Variants in LAMB1 observed in about 807,000 individuals in gnomAD.
The protein encoded by LAMB1 is laminin subunit beta 1, also known as laminin subunit beta-1.
A neutral mutation model predicts 222.3 loss-of-function variants in LAMB1; 121 were observed. The ratio of observed to expected loss-of-function variants is 0.54; its 90% CI spans 0.47 to 0.63. The LOEUF (loss-of-function observed/expected upper bound fraction) is 0.63, where lower values mean the gene tolerates loss of function less well. Ranked by LOEUF, LAMB1 falls within the 30% of genes least tolerant of loss-of-function variation. The pLI is 0.00. For missense variants in LAMB1, 2,172 were observed against 2,240.8 expected (o/e 0.97, Z 0.62); for synonymous variants, 794 against 807.2 (o/e 0.98, Z 0.28).
chr7:107,986,268 C>T lies in LAMB1; in HGVS notation c.519G>A (p.Ser173=), dbSNP rs367788470. The change falls in exon 6 of 34, where the codon TCG becomes TCA. Residue 173 remains serine (S), a synonymous_variant. Coordinates refer to ENST00000222399, the MANE Select transcript of LAMB1 (RefSeq NM_002291.3). ...YRYFAYDCEA[S]FPGISTGPMK... ...TGGGGCCAGTTGAAATGCCTGGAAACGAGGCCTCACAGTCATAGGCGAAGT... is the reference window on the plus strand; with the variant it reads ...TGGGGCCAGTTGAAATGCCTGGAAATGAGGCCTCACAGTCATAGGCGAAGT... 19 of 1,613,936 alleles carry T rather than the reference C, an allele frequency of 1.2e-5. No individual in the cohort carries two copies. The highest frequency in any genetic ancestry group is 1.6e-4 in the Middle Eastern group (1 of 6,084).
At chr7:107,956,686 C>T (rs2033384969) in intron 20 of LAMB1, among the ~76,000 whole-genome samples, 1 of 152,188 alleles carries the variant, frequency 6.6e-6, no homozygotes, top group Non-Finnish European at 1.5e-5. Context: ...CCCACGGTGG[C>T]CACAGGTCTA....
chr7:107,964,603 A>T lies in LAMB1; in HGVS notation c.1647T>A (p.Phe549Leu). The T allele has an allele frequency of 6.2e-7, 1 of 1,614,172 alleles. No homozygotes were observed. ...CATAGAGGTAGTGATCCAGGGTGGC[A>T]AAGTAGTAACCAGGTTCCACTTCGT... The part of the protein sequence containing the change: ...QCNEVEPGYY[F>L]ATLDHYLYEA... Residue 549 changes from phenylalanine (F) to leucine (L), a missense_variant, in exon 14 of 34, where the codon TTT becomes TTA. Coordinates refer to ENST00000222399, the MANE Select transcript of LAMB1 (RefSeq NM_002291.3).
chr7:107,967,904 A>T (rs2033666270), intron 13 of LAMB1, among the ~76,000 whole-genome samples: 1 of 152,186 alleles, frequency 6.6e-6, no homozygotes, highest in Non-Finnish European at 1.5e-5. Context: ...GGAGAAGAAG[A>T]TATGATTCAT....
At chr7:107,976,700 T>C (rs2033863235) in intron 9 of LAMB1, among the ~76,000 whole-genome samples, 1 of 152,206 alleles carries the variant, frequency 6.6e-6, no homozygotes, top group South Asian at 2.1e-4. Context: ...CTGGTTGAAG[T>C]GAACCTTGGA....
At chr7:107,954,014 G>C (rs1297143080) in intron 21 of LAMB1, among the ~76,000 whole-genome samples, 1 of 152,132 alleles carries the variant, frequency 6.6e-6, no homozygotes, top group Non-Finnish European at 1.5e-5. Flanking sequence ...TAACAGTGTT[G>C]CAACTGCCCC....
At chr7:107,940,901 T>C (rs10953555) in intron 24 of LAMB1, among the ~76,000 whole-genome samples, 97,265 of 152,130 alleles carry the variant, frequency 0.64, 31,393 homozygotes, top group East Asian at 0.85. Flanking sequence ...TGAGAAGCTC[T>C]TTACGTACCT....
At chr7:107,955,424 C>A in intron 21 of LAMB1, 43 bp downstream of exon 21, 1 of 1,552,414 alleles carries the variant, frequency 6.4e-7, no homozygotes, top group Non-Finnish European at 8.8e-7. Context: ...ATAAAGACAT[C>A]TTTTTCTCTC....
chr7:107,926,643 C>G (rs1398928619), intron 31 of LAMB1, among the ~76,000 whole-genome samples: 1 of 152,064 alleles, frequency 6.6e-6, no homozygotes, highest in African/African-American at 2.4e-5. Context: ...ACCCCACCTC[C>G]CCAAGGAGCA....
chr7:107,975,679 C>G lies in LAMB1; in HGVS notation c.1189+10G>C, dbSNP rs1454761999. 4.4e-6 allele frequency: 7 copies of G among 1,604,584 alleles called. No homozygotes were observed. The highest frequency in any genetic ancestry group is 1.1e-5 in the South Asian group (1 of 90,092). On this transcript the variant is annotated intron_variant, in intron 10 of 33. Transcript: ENST00000222399. ...AGGTCCCACACAGTGAGTGACATTT[C>G]TCAACATACGTTCACAGAAATTAGG...
chr7:107,994,747 A>ATT, intron 5 of LAMB1, 140 bp downstream of exon 5: 1 of 539,726 alleles, frequency 1.9e-6, no homozygotes, highest in Non-Finnish European at 3.3e-6. Flanking sequence ...CGTTTTAAAA[A>ATT]CTGCTCAATT....
At chr7:107,940,566 A>G (rs1024346533) in intron 24 of LAMB1, 2 of 574,536 alleles carry the variant, frequency 3.5e-6, no homozygotes, top group Admixed American at 6.0e-5. Flanking sequence ...AGCAGTAATA[A>G]TACTTTAAAC....
At chr7:107,994,079 G>A (rs1181642978) in intron 5 of LAMB1, among the ~76,000 whole-genome samples, 1 of 152,138 alleles carries the variant, frequency 6.6e-6, no homozygotes, top group Non-Finnish European at 1.5e-5. Flanking sequence ...TGTAGATAAG[G>A]TTCCCAACTC....
At position 107,994,935 on chromosome 7, in the gene LAMB1, C is replaced by A. The variant is rs1211046751; in HGVS notation, c.375G>T (p.Leu125=). ...TAAAATGGAATTCTGCTTCCAAATC[C>A]AGTTGGATAGTTACATTTTCCACAC... The part of the protein sequence containing the change: ...ENGVENVTIQ[L]DLEAEFHFTH... Residue 125 remains leucine, a synonymous_variant, in exon 5 of 34, where the codon CTG becomes CTT. Coordinates refer to ENST00000222399, the MANE Select transcript of LAMB1 (RefSeq NM_002291.3). The A allele has an allele frequency of 1.9e-6, 3 of 1,599,768 alleles. No individual in the cohort carries two copies. The African/African-American group carries it at 4.0e-5, about 21-fold the overall frequency.
intron 27 of LAMB1, among the ~76,000 whole-genome samples, chr7:107,934,489 G>C (rs1190934321): frequency 6.6e-6 from 1 of 152,072 alleles, no homozygotes; most frequent in Admixed American, 6.6e-5. Context: ...GCTCAGTTAG[G>C]CTTTTTTGGG....
chr7:107,957,161 G>A (rs757534331), intron 20 of LAMB1, among the ~76,000 whole-genome samples: 11 of 152,074 alleles, frequency 7.2e-5, no homozygotes, highest in South Asian at 4.2e-4. Context: ...AGGCTGCAGC[G>A]GGTGGATCAC....
At chr7:107,978,240 G>T in intron 8 of LAMB1, 73 bp from the exon 9 acceptor site, 3 of 1,539,570 alleles carry the variant, frequency 1.9e-6, no homozygotes, top group Non-Finnish European at 1.8e-6. Flanking sequence ...ATAATCAATT[G>T]AAAGTTTAAA....
At chr7:108,002,281 T>C (rs2034406058) in intron 2 of LAMB1, 1 of 1,310,212 alleles carries the variant, frequency 7.6e-7, no homozygotes. Flanking sequence ...GGGCTCGCGG[T>C]GGACGCCGCT....
intron 5 of LAMB1, among the ~76,000 whole-genome samples, chr7:107,993,210 T>G (rs1245678856): frequency 6.6e-6 from 1 of 152,220 alleles, no homozygotes; most frequent in Non-Finnish European, 1.5e-5. Context: ...CTCGGCTCAC[T>G]GCAACCTTCG....
rs774040892 is a variant in LAMB1, at chr7:107,961,648, A to T, written c.1886T>A (p.Ile629Asn). Residue 629 changes from isoleucine to asparagine, a missense_variant, in exon 16 of 34, where the codon ATC (isoleucine) becomes AAC (asparagine). Transcript: ENST00000222399. ...QLPDHWEKAV[I>N]TVQRPGRIPT... is the part of the protein sequence containing the mutation. Reference sequence around the variant, plus strand: ...AATCCTTCCAGGTCGCTGCACTGTGATGACAGCTTTTTCCCAGTGGTCGGG... The same window carrying T: ...AATCCTTCCAGGTCGCTGCACTGTGTTGACAGCTTTTTCCCAGTGGTCGGG... The T allele has an allele frequency of 6.2e-7, 1 of 1,613,920 alleles. No individual in the cohort carries two copies. Among genetic ancestry groups the T allele is most frequent in the East Asian group, 2.2e-5 (1 of 44,876 alleles).
Sources: gnomAD v4.1 joint callset for allele counts (sites outside exome capture counted in the v4.1 genomes callset) on GRCh38, gnomAD v4.1.1 for gene constraint, MANE v1.5 for transcripts, NCBI Gene and HGNC (gene_info 2026-07-23, HGNC 2026-07-21) for gene names.